CIAO1: variants seen among roughly 807,000 people sequenced by gnomAD.
The protein encoded by CIAO1 is cytosolic iron-sulfur assembly component 1.
Under a neutral mutation model 43.1 loss-of-function variants are expected in CIAO1, and 32 were observed. The observed-to-expected ratio is 0.74, with a 90% CI of 0.56 to 1.00. The LOEUF is 1.00. Among genes scored for constraint, CIAO1 ranks in the 50% least tolerant of loss-of-function variants. CIAO1 has a pLI of 0.00. For synonymous variants in CIAO1, 183 were observed against 171.4 expected (o/e 1.07, Z -0.53); for missense variants, 415 against 437.4 (o/e 0.95, Z 0.46).
chr2:96,271,606 A>C lies in CIAO1; in HGVS notation c.*255A>C, dbSNP rs1558759956. The C allele has an allele frequency of 6.5e-6, 3 of 460,524 alleles. No individual in the cohort carries two copies. Among genetic ancestry groups the C allele is most frequent in the Non-Finnish European group, 1.2e-5 (3 of 255,428 alleles). The allele number at this position is 460,524 out of a possible 1,614,324, so 28.5% of individuals were successfully genotyped here. ...TTTTCTTGCATTAGGGCACAGTGTT[A>C]AATTTTTTGGAGGTAAATATACTAT... On this transcript the variant is annotated 3_prime_UTR_variant, in exon 7 of 7. Coordinates refer to ENST00000488633, the MANE Select transcript of CIAO1 (RefSeq NM_004804.3).
chr2:96,266,511 C>T, intron 1 of CIAO1, 22 bp downstream of exon 1: 2 of 1,457,042 alleles, frequency 1.4e-6, no homozygotes, highest in Non-Finnish European at 1.8e-6. Context: ...CCTGGTTGCG[C>T]GGCCCTCAGC....
intron 6 of CIAO1, among the ~76,000 whole-genome samples, chr2:96,270,029 G>A (rs149419053): frequency 2.2e-4 from 33 of 152,324 alleles, no homozygotes; most frequent in Non-Finnish European, 4.3e-4. Flanking sequence ...GAGTAGGTTA[G>A]AGGGTAGTTC....
chr2:96,267,588 G>A, intron 2 of CIAO1, 37 bp from the exon 3 acceptor site: 2 of 1,610,562 alleles, frequency 1.2e-6, no homozygotes, highest in Non-Finnish European at 1.7e-6. Flanking sequence ...AGGGGTGTTA[G>A]CTGCTGTTAA....
In CIAO1 at chr2:96,269,017, G is replaced by C; in HGVS notation, c.692-251G>C. ...AATAAAGTGGGTTGGGTCGGCTGGTGGGTGGCCTTCACAGGCACGCAAAGT... is the reference window on the plus strand; with the variant it reads ...AATAAAGTGGGTTGGGTCGGCTGGTCGGTGGCCTTCACAGGCACGCAAAGT... On this transcript the variant is annotated intron_variant, in intron 5 of 6. Coordinates refer to ENST00000488633, the MANE Select transcript of CIAO1 (RefSeq NM_004804.3). 6.8e-6 allele frequency: 4 copies of C among 586,774 alleles called. No homozygotes were observed. In the South Asian group the frequency reaches 8.1e-5, roughly 12 times the overall value. 36.3% of individuals were successfully genotyped at this position (586,774 alleles called of 1,614,324 possible).
chr2:96,266,372 C>T lies in CIAO1; in HGVS notation c.22C>T (p.Leu8=). The T allele has an allele frequency of 6.7e-7, 1 of 1,497,970 alleles. No individual in the cohort carries two copies. The highest frequency in any genetic ancestry group is 1.4e-5 in the African/African-American group (1 of 70,234). 92.8% of individuals were successfully genotyped at this position (1,497,970 alleles called of 1,614,324 possible). A position where few individuals can be genotyped will look rare whatever the true frequency, so the allele number is the denominator to read the frequency against. Residue 8 remains leucine (L), a synonymous_variant, in exon 1 of 7, where the codon CTG becomes TTG. Coordinates refer to ENST00000488633, the MANE Select transcript of CIAO1 (RefSeq NM_004804.3). MKDSLVL[L]GRVPAHPDSR... The stretch of plus-strand genomic sequence containing the variant: ...CGACATGAAGGACTCGCTGGTGCTG[C>T]TGGGCCGTGTCCCGGCGCACCCGGA...
chr2:96,273,589 G>T lies in CIAO1; in HGVS notation c.*2238G>T, dbSNP rs1684596121. Among the ~76,000 whole-genome samples the T allele has an allele frequency of 1.3e-5, 2 of 151,338 alleles. No homozygotes were observed. Among genetic ancestry groups the T allele is most frequent in the African/African-American group, 4.9e-5 (2 of 41,066 alleles). On this transcript the variant is annotated 3_prime_UTR_variant, in exon 7 of 7. Coordinates refer to ENST00000488633, the MANE Select transcript of CIAO1 (RefSeq NM_004804.3). ...GAGGCAGGAGAATAGCTTGAACCCG[G>T]GAGGTGGAGGTTGCAGTGAGTCGAG...
Position 96,266,425 on chromosome 2 carries a change from C to T in CIAO1, c.75C>T (p.Asn25=). ...CCCGCTGCTGGTTCCTGGCCTGGAA[C>T]CCCGCGGGGACCCTGCTGGCCTCGT... ...PDSRCWFLAW[N]PAGTLLASCG... is the part of the protein sequence containing the mutation. Residue 25 remains asparagine (N), a synonymous_variant, in exon 1 of 7, where the codon AAC becomes AAT. Coordinates refer to ENST00000488633, the MANE Select transcript of CIAO1 (RefSeq NM_004804.3). 6.4e-7 allele frequency: 1 copy of T among 1,559,942 alleles called. No individual in the cohort carries two copies. Among genetic ancestry groups the T allele is most frequent in the Non-Finnish European group, 8.7e-7 (1 of 1,149,296 alleles).
At chr2:96,268,750 A>G (rs2104316844) in intron 5 of CIAO1, 92 bp downstream of exon 5, 2 of 1,304,162 alleles carry the variant, frequency 1.5e-6, no homozygotes, top group South Asian at 1.2e-5. Flanking sequence ...AAATGGGGGT[A>G]AAAGGTAAGA....
intron 5 of CIAO1, 31 bp downstream of exon 5, chr2:96,268,689 C>G: frequency 6.2e-7 from 1 of 1,609,298 alleles, no homozygotes; most frequent in Non-Finnish European, 8.5e-7. Context: ...TAAAGAAGAC[C>G]CATCTCTCAA....
intron 1 of CIAO1, 103 bp downstream of exon 1, chr2:96,266,592 G>A (rs1684435072): frequency 2.4e-5 from 29 of 1,208,296 alleles, no homozygotes; most frequent in Non-Finnish European, 2.9e-5. Context: ...TCCTGGCGGA[G>A]GGAGAGTGGG....
chr2:96,273,220 ATT>A lies in CIAO1; in HGVS notation c.*1873_*1874del, dbSNP rs1684587442. Reference sequence around the variant, plus strand: ...TTCATTTGGAAGAATTCAATGAACCATTTTTCCAAGTGACCAGTACGTGATGT... The same window carrying A: ...TTCATTTGGAAGAATTCAATGAACCATTTCCAAGTGACCAGTACGTGATGT... On this transcript the variant is annotated 3_prime_UTR_variant, in exon 7 of 7. Coordinates refer to ENST00000488633, the MANE Select transcript of CIAO1 (RefSeq NM_004804.3). 1.3e-5 allele frequency: 2 copies of A among 152,282 alleles called. No individual in the cohort carries two copies. Among genetic ancestry groups the A allele is most frequent in the South Asian group, 4.1e-4 (2 of 4,828 alleles). 9.4% of individuals were successfully genotyped at this position (152,282 alleles called of 1,614,324 possible).
rs1464988154 is a variant in CIAO1 at position 96,266,362 on chromosome 2, G to A, written c.12G>A (p.Ser4=). 3 of 1,470,768 alleles carry A rather than the reference G, an allele frequency of 2.0e-6. No individual in the cohort carries two copies. The highest frequency in any genetic ancestry group is 2.9e-5 in the African/African-American group (2 of 69,160). The allele number at this position is 1,470,768 out of a possible 1,614,324, so 91.1% of individuals were successfully genotyped here. A position where few individuals can be genotyped will look rare whatever the true frequency, so the allele number is the denominator to read the frequency against. The change falls in exon 1 of 7, where the codon TCG becomes TCA. Residue 4 remains serine (S), a synonymous_variant. Transcript: ENST00000488633. The part of the protein sequence containing the change: MKD[S]LVLLGRVPAH... ...TGCGTCGGGCCGACATGAAGGACTCGCTGGTGCTGCTGGGCCGTGTCCCGG... is the reference window on the plus strand; with the variant it reads ...TGCGTCGGGCCGACATGAAGGACTCACTGGTGCTGCTGGGCCGTGTCCCGG...
Position 96,266,443 on chromosome 2 carries a change from G to C in CIAO1, c.93G>C (p.Leu31=). The C allele has an allele frequency of 1.3e-6, 2 of 1,558,622 alleles. No homozygotes were observed. Among genetic ancestry groups the C allele is most frequent in the Non-Finnish European group, 1.7e-6 (2 of 1,147,886 alleles). ...FLAWNPAGTL[L]ASCGGDRRIR... The stretch of plus-strand genomic sequence containing the variant: ...CCTGGAACCCCGCGGGGACCCTGCT[G>C]GCCTCGTGCGGCGGCGACCGGAGAA... Residue 31 remains leucine (L), a synonymous_variant, in exon 1 of 7, where the codon CTG becomes CTC. Coordinates refer to ENST00000488633, the MANE Select transcript of CIAO1 (RefSeq NM_004804.3).
intron 6 of CIAO1, among the ~76,000 whole-genome samples, chr2:96,269,945 G>A (rs1280883232): frequency 1.3e-5 from 2 of 152,014 alleles, no homozygotes; most frequent in Non-Finnish European, 2.9e-5. Context: ...GCACCTGGCA[G>A]TGGCTGGGGT....
Position 96,267,584 on chromosome 2 carries a change from G to A in CIAO1, c.289-41G>A, listed in dbSNP as rs1204497756. ...TACCCATGGGAAGGGGCTTAGGGGT[G>A]TTAGCTGCTGTTAATTCTCATTTTC... On this transcript the variant is annotated intron_variant, in intron 2 of 6. Coordinates refer to ENST00000488633, the MANE Select transcript of CIAO1 (RefSeq NM_004804.3). The A allele has an allele frequency of 8.7e-6, 14 of 1,609,522 alleles. No homozygotes were observed. In the East Asian group the frequency reaches 2.2e-4, roughly 26 times the overall value.
rs1364685382 is a variant in CIAO1, at chr2:96,273,861, CTG to C, written c.*2512_*2513del. 1.3e-5 allele frequency among the ~76,000 whole-genome samples: 2 copies of C among 151,808 alleles called. No individual in the cohort carries two copies. The highest frequency in any genetic ancestry group is 1.5e-5 in the Non-Finnish European group (1 of 67,968). ...TTATTATAACAAGATACTAAAGAGA[CTG>C]TAAAATGCCACCCTTCTCCTTGGAT... On this transcript the variant is annotated 3_prime_UTR_variant, in exon 7 of 7. Transcript: ENST00000488633.
rs1684492861 is a variant in CIAO1 at position 96,269,066 on chromosome 2, A to G, written c.692-202A>G. On this transcript the variant is annotated intron_variant, in intron 5 of 6. Transcript: ENST00000488633. ...GTAGTTACATACAGTCTGCAACAGA[A>G]CAGGGATGTTTCCTCGGAATTCTGC... 4.9e-6 allele frequency: 3 copies of G among 614,472 alleles called. No homozygotes were observed. The East Asian group carries it at 8.3e-5, about 17-fold the overall frequency. The allele number at this position is 614,472 out of a possible 1,614,324, so 38.1% of individuals were successfully genotyped here.
At chr2:96,268,753 A>G in intron 5 of CIAO1, 95 bp downstream of exon 5, 1 of 1,279,158 alleles carries the variant, frequency 7.8e-7, no homozygotes, top group Non-Finnish European at 1.1e-6. Flanking sequence ...TGGGGGTAAA[A>G]GGTAAGATGT....
At position 96,271,268 on chromosome 2, in the gene CIAO1, C is replaced by T. The variant is rs1475216724; in HGVS notation, c.937C>T (p.Pro313Ser). 3 of 1,614,134 alleles carry T rather than the reference C, an allele frequency of 1.9e-6. No individual in the cohort carries two copies. The highest frequency in any genetic ancestry group is 2.5e-6 in the Non-Finnish European group (3 of 1,180,064). The part of the protein sequence containing the change: ...SQDVNCVAWN[P>S]KEPGLLASCS... The stretch of plus-strand genomic sequence containing the variant: ...GGATGTCAACTGTGTGGCCTGGAAC[C>T]CCAAGGAGCCAGGGCTACTGGCCTC... The change falls in exon 7 of 7, where the codon CCC becomes TCC. Residue 313 changes from proline to serine, a missense_variant. Pro to Ser is a moderately conservative substitution (Grantham distance 74, BLOSUM62 -1). Transcript: ENST00000488633.
Sources: gnomAD v4.1 joint callset for allele counts (sites outside exome capture counted in the v4.1 genomes callset) on GRCh38, gnomAD v4.1.1 for gene constraint, MANE v1.5 for transcripts, NCBI Gene and HGNC (gene_info 2026-07-23, HGNC 2026-07-21) for gene names.